Variants in ATP11C observed in about 807,000 individuals in gnomAD.
ATP11C encodes the protein ATPase phospholipid transporting 11C (ATP11C blood group), also known as phospholipid-transporting ATPase IG.
Under a neutral mutation model 97.4 loss-of-function variants are expected in ATP11C, and 36 were observed. The observed-to-expected ratio is 0.37, with a 90% CI of 0.28 to 0.49. ATP11C has a LOEUF of 0.49. Ranked by LOEUF, ATP11C falls within the 20% of genes least tolerant of loss-of-function variation. ATP11C has a pLI of 0.98. For synonymous variants in ATP11C, 275 were observed against 290.9 expected (o/e 0.95, Z 0.56); for missense variants, 730 against 824.6 (o/e 0.89, Z 1.40).
intron 18 of ATP11C, among the ~76,000 whole-genome samples, chrX:139,778,549 C>A (rs1204544321): frequency 4.5e-5 from 5 of 112,024 alleles, no homozygotes; most frequent in Non-Finnish European, 9.4e-5. Flanking sequence ...ATCTGTTAGA[C>A]AGGGCGTGGT....
intron 25 of ATP11C, among the ~76,000 whole-genome samples, chrX:139,743,907 A>G (rs2081624511): frequency 8.9e-6 from 1 of 112,066 alleles, no homozygotes; most frequent in Non-Finnish European, 1.9e-5. Context: ...TAAAGGCCAA[A>G]GAAGGCAACT....
At chrX:139,796,183 G>T in intron 12 of ATP11C, 90 bp downstream of exon 12, 1 of 671,214 alleles carries the variant, frequency 1.5e-6, no homozygotes. Context: ...TTCCAAATGT[G>T]ACATGGTCAC....
chrX:139,882,701 T>G (rs1371682117), intron 1 of ATP11C, among the ~76,000 whole-genome samples: 1 of 111,813 alleles, frequency 8.9e-6, no homozygotes, highest in Non-Finnish European at 1.9e-5. Context: ...CCCAGCCTTC[T>G]CAGCCCCCTC....
chrX:139,732,516 G>A (rs758693902), intron 28 of ATP11C: 6 of 357,900 alleles, frequency 1.7e-5, no homozygotes, highest in African/African-American at 5.3e-5. Context: ...GAAGGGAGGC[G>A]TTTCGTTACC....
intron 5 of ATP11C, among the ~76,000 whole-genome samples, chrX:139,806,469 CAA>C (rs1319269481): frequency 8.9e-6 from 1 of 111,935 alleles, no homozygotes; most frequent in East Asian, 2.8e-4. Flanking sequence ...CAAAGGGTAA[CAA>C]GTGTTTCTGA....
chrX:139,789,084 T>C (rs2082636284), intron 13 of ATP11C, among the ~76,000 whole-genome samples: 1 of 109,750 alleles, frequency 9.1e-6, no homozygotes, highest in African/African-American at 3.3e-5. Flanking sequence ...GCGCCTGTAA[T>C]CCCAGCTACT....
At chrX:139,736,835 T>A (rs2081454297) in intron 28 of ATP11C, among the ~76,000 whole-genome samples, 1 of 111,285 alleles carries the variant, frequency 9.0e-6, no homozygotes, top group South Asian at 3.8e-4. Flanking sequence ...CTCTTGTTTT[T>A]GATTGGGGCT....
intron 19 of ATP11C, among the ~76,000 whole-genome samples, chrX:139,773,199 G>A (rs2082287042): frequency 9.0e-6 from 1 of 111,275 alleles, no homozygotes; most frequent in South Asian, 3.8e-4. Context: ...TCATGTAAGA[G>A]GTGCTTTTTG....
rs1485265433 is a variant in ATP11C, at chrX:139,796,909, AAGTAAAAG to A, written c.1008+259_1008+266del. 4.5e-5 allele frequency among the ~76,000 whole-genome samples: 5 copies of A among 110,539 alleles called. No homozygotes were observed. In the East Asian group the frequency reaches 1.4e-3, roughly 31 times the overall value. Reference sequence around the variant, plus strand: ...AGCTAAAAACAAGCATAGATGCCTAAAGTAAAAGAAAAAAAACTCTTTTTTTCTTTTCT... The same window carrying A: ...AGCTAAAAACAAGCATAGATGCCTAAAAAAAAAACTCTTTTTTTCTTTTCT... On this transcript the variant is annotated intron_variant, in intron 11 of 29. Coordinates refer to ENST00000682941, the MANE Select transcript of ATP11C (RefSeq NM_001353812.2).
intron 15 of ATP11C, among the ~76,000 whole-genome samples, chrX:139,785,990 A>C (rs868595163): frequency 1.9e-4 from 21 of 111,130 alleles, no homozygotes; most frequent in African/African-American, 6.9e-4. Context: ...TGCCCAAAAA[A>C]CTCATCAATA....
rs1297361605 is a variant in ATP11C, at chrX:139,768,111, TGA to T, written c.2391+147_2391+148del. ...CAAAATGGGGAAAGACTTCTGAGTC[TGA>T]TTACAAAAAGAAAGAAGCCTTGGAG... On this transcript the variant is annotated intron_variant, in intron 20 of 29. Transcript: ENST00000682941. 4.6e-4 allele frequency: 171 copies of T among 368,442 alleles called. 4 individuals are homozygous for T. The highest frequency in any genetic ancestry group is 3.0e-3 in the East Asian group (62 of 20,980). The allele number at this position is 368,442 out of a possible 1,213,427, so 30.4% of individuals were successfully genotyped here. A position where few individuals can be genotyped will look rare whatever the true frequency, so the allele number is the denominator to read the frequency against.
intron 1 of ATP11C, among the ~76,000 whole-genome samples, chrX:139,837,197 T>C (rs1277516736): frequency 8.9e-6 from 1 of 112,144 alleles, no homozygotes; most frequent in Non-Finnish European, 1.9e-5. Context: ...AAACAGTAGT[T>C]AGAAGTTCTA....
intron 1 of ATP11C, among the ~76,000 whole-genome samples, chrX:139,913,488 T>C (rs1302666412): frequency 9.0e-6 from 1 of 111,570 alleles, no homozygotes. Context: ...CCCTGTGACC[T>C]GTAGGTATAC....
chrX:139,794,295 T>A (rs2082749898), intron 12 of ATP11C, among the ~76,000 whole-genome samples: 1 of 112,373 alleles, frequency 8.9e-6, no homozygotes, highest in Admixed American at 9.4e-5. Flanking sequence ...GACATTGCCT[T>A]TAGTAACATA....
intron 1 of ATP11C, among the ~76,000 whole-genome samples, chrX:139,888,129 AG>A (rs778617878): frequency 9.1e-6 from 1 of 110,219 alleles, no homozygotes; most frequent in African/African-American, 3.3e-5. Flanking sequence ...AAAGCTGTAA[AG>A]CTGTATAATT....
At chrX:139,734,284 T>C (rs1473597150) in intron 28 of ATP11C, among the ~76,000 whole-genome samples, 1 of 92,139 alleles carries the variant, frequency 1.1e-5, no homozygotes, top group African/African-American at 3.6e-5. Context: ...GCTCAGACAG[T>C]TGACATTCTT....
intron 1 of ATP11C, among the ~76,000 whole-genome samples, chrX:139,898,727 A>C (rs2084849599): frequency 8.9e-6 from 1 of 112,164 alleles, no homozygotes; most frequent in African/African-American, 3.2e-5. Context: ...TCTCCTAATA[A>C]AGTAAAACTT....
chrX:139,732,731 T>C (rs932780054), intron 28 of ATP11C, among the ~76,000 whole-genome samples: 1 of 111,851 alleles, frequency 8.9e-6, no homozygotes, highest in African/African-American at 3.2e-5. Context: ...TAGTCTATTA[T>C]TACGTGCCAA....
chrX:139,906,503 G>A (rs2084978796), intron 1 of ATP11C, among the ~76,000 whole-genome samples: 1 of 110,213 alleles, frequency 9.1e-6, no homozygotes, highest in African/African-American at 3.3e-5. Flanking sequence ...ACATTCATTG[G>A]CCGGGCATGG....
Sources: gnomAD v4.1 joint callset for allele counts (sites outside exome capture counted in the v4.1 genomes callset) on GRCh38, gnomAD v4.1.1 for gene constraint, MANE v1.5 for transcripts, NCBI Gene and HGNC (gene_info 2026-07-23, HGNC 2026-07-21) for gene names.